Variants in PRKG1 observed in about 807,000 individuals in gnomAD.
PRKG1 encodes cGMP-dependent protein kinase 1.
Under a neutral mutation model 88.1 loss-of-function variants are expected in PRKG1, and 35 were observed. That is an observed-to-expected ratio of 0.40 (90% CI 0.30 to 0.53). PRKG1 has a LOEUF of 0.53. Among genes scored for constraint, PRKG1 ranks in the 20% least tolerant of loss-of-function variants. The pLI, the probability that PRKG1 is intolerant of heterozygous loss-of-function variation, is 0.59. For missense variants in PRKG1, 540 were observed against 839.8 expected (o/e 0.64, Z 4.41); for synonymous variants, 303 against 292.5 (o/e 1.04, Z -0.37).
At chr10:51,058,363 A>G (rs1322237268) in intron 1 of PRKG1, among the ~76,000 whole-genome samples, 1 of 152,100 alleles carries the variant, frequency 6.6e-6, no homozygotes, top group Admixed American at 6.6e-5. Flanking sequence ...TGAGTGAAAA[A>G]TGTTAAAAGC....
intron 4 of PRKG1, among the ~76,000 whole-genome samples, chr10:51,858,043 C>A: frequency 7.6e-6 from 1 of 131,154 alleles, no homozygotes; most frequent in Non-Finnish European, 1.6e-5. Context: ...GATTTAATGG[C>A]ATAAAAGGAA....
chr10:51,598,195 C>A (rs903708615), intron 3 of PRKG1, among the ~76,000 whole-genome samples: 4 of 152,180 alleles, frequency 2.6e-5, no homozygotes, highest in African/African-American at 4.8e-5. Context: ...CATCTACTAG[C>A]ATCTAAAGAC....
intron 2 of PRKG1, among the ~76,000 whole-genome samples, chr10:51,280,007 G>A (rs1449513200): frequency 6.6e-6 from 1 of 152,208 alleles, no homozygotes; most frequent in African/African-American, 2.4e-5. Flanking sequence ...TGCAGTGGCT[G>A]GTACTGGTTG....
At chr10:51,128,927 G>A (rs528270495) in intron 1 of PRKG1, among the ~76,000 whole-genome samples, 8 of 152,104 alleles carry the variant, frequency 5.3e-5, no homozygotes, top group Non-Finnish European at 7.4e-5. Flanking sequence ...ATATTTTAAT[G>A]ATAGTAATTT....
intron 1 of PRKG1, among the ~76,000 whole-genome samples, chr10:51,081,096 GCT>G (rs1844098070): frequency 6.6e-6 from 1 of 151,936 alleles, no homozygotes; most frequent in Admixed American, 6.5e-5. Flanking sequence ...TTTTTTCATT[GCT>G]TATAAAATTC....
chr10:51,314,116 A>G (rs1256480660), intron 2 of PRKG1, among the ~76,000 whole-genome samples: 1 of 152,118 alleles, frequency 6.6e-6, no homozygotes, highest in African/African-American at 2.4e-5. Flanking sequence ...TTTAATACAC[A>G]GATATATTTG....
At chr10:51,601,001 G>T (rs12257544) in intron 3 of PRKG1, among the ~76,000 whole-genome samples, 1 of 149,828 alleles carries the variant, frequency 6.7e-6, no homozygotes, top group African/African-American at 2.5e-5. Flanking sequence ...ACAGCAGGGG[G>T]AGGGGGAAAA....
chr10:51,413,560 C>A (rs1424134156), intron 2 of PRKG1, among the ~76,000 whole-genome samples: 5 of 152,030 alleles, frequency 3.3e-5, no homozygotes, highest in African/African-American at 7.3e-5. Flanking sequence ...GGGGTTTCAC[C>A]ATGATGGCCA....
At position 52,081,933 on chromosome 10, in the gene PRKG1, G is replaced by A. The variant is rs547074331; in HGVS notation, c.935+19302G>A. Among the ~76,000 whole-genome samples the A allele has an allele frequency of 9.8e-4, 149 of 152,144 alleles. 1 individual carries two copies. Among genetic ancestry groups the A allele is most frequent in the Non-Finnish European group, 1.7e-3 (113 of 67,992 alleles). On this transcript the variant is annotated intron_variant, in intron 7 of 17. Transcript: ENST00000373980. ...TGGATAAACTGACCATTTAATATCC[G>A]TATTAGTCCATTCTCATGCTGCTAT...
chr10:51,538,228 A>G (rs554104599), intron 3 of PRKG1, among the ~76,000 whole-genome samples: 11 of 152,120 alleles, frequency 7.2e-5, no homozygotes, highest in Non-Finnish European at 1.2e-4. Flanking sequence ...GAAGACAAAG[A>G]AGTAGCATTT....
At chr10:51,569,207 T>C (rs1372234565) in intron 3 of PRKG1, among the ~76,000 whole-genome samples, 1 of 152,024 alleles carries the variant, frequency 6.6e-6, no homozygotes, top group African/African-American at 2.4e-5. Context: ...TAGAAGACAG[T>C]AGAGACTGAA....
At chr10:51,371,445 G>A (rs766648672) in intron 2 of PRKG1, among the ~76,000 whole-genome samples, 4 of 151,968 alleles carry the variant, frequency 2.6e-5, no homozygotes, top group Non-Finnish European at 5.9e-5. Flanking sequence ...GGGGTGGTGG[G>A]ACAAGAGAGA....
intron 1 of PRKG1, among the ~76,000 whole-genome samples, chr10:51,034,176 AT>A (rs1843322513): frequency 6.6e-6 from 1 of 152,184 alleles, no homozygotes; most frequent in Admixed American, 6.6e-5. Context: ...GAACTTAGAG[AT>A]TAAGACTCAC....
At chr10:51,849,030 T>C (rs1292529727) in intron 4 of PRKG1, among the ~76,000 whole-genome samples, 1 of 152,178 alleles carries the variant, frequency 6.6e-6, no homozygotes, top group African/African-American at 2.4e-5. Flanking sequence ...TTGTAGTATT[T>C]ATAGCACTAA....
rs554043029 is a variant in PRKG1 at position 51,692,676 on chromosome 10, G to C, written c.593-111909G>C. The stretch of plus-strand genomic sequence containing the variant: ...TTTTTTGTAGAGACAGGATCTCCCT[G>C]TGTTGCCCAGGCTGGTCTTAAAGTC... On this transcript the variant is annotated intron_variant, in intron 3 of 17. Coordinates refer to ENST00000373980, the MANE Select transcript of PRKG1 (RefSeq NM_006258.4). 2.6e-4 allele frequency among the ~76,000 whole-genome samples: 39 copies of C among 152,140 alleles called. No individual in the cohort carries two copies. In the South Asian group the frequency reaches 8.1e-3, roughly 32 times the overall value.
At chr10:52,233,720 G>A (rs1444936157) in intron 9 of PRKG1, among the ~76,000 whole-genome samples, 9 of 147,200 alleles carry the variant, frequency 6.1e-5, no homozygotes, top group Admixed American at 5.4e-4. Context: ...ACTGCAAGGC[G>A]GCAGCGAGGC....
rs535618639 is a variant in PRKG1, at chr10:52,068,784, A to T, written c.935+6153A>T. 1.8e-4 allele frequency among the ~76,000 whole-genome samples: 28 copies of T among 152,254 alleles called. No homozygotes were observed. In the South Asian group the frequency reaches 5.6e-3, roughly 30 times the overall value. On this transcript the variant is annotated intron_variant, in intron 7 of 17. Transcript: ENST00000373980. ...CATAGCATTAGATTTTGAGTCAACCACTCATTGATTGACTTTCAGCAAGCC... is the reference window on the plus strand; with the variant it reads ...CATAGCATTAGATTTTGAGTCAACCTCTCATTGATTGACTTTCAGCAAGCC...
intron 1 of PRKG1, among the ~76,000 whole-genome samples, chr10:51,121,162 T>C (rs529812807): frequency 1.6e-3 from 250 of 152,280 alleles, no homozygotes; most frequent in African/African-American, 5.6e-3. Context: ...TTGAACCCAC[T>C]TGGATAACCC....
At chr10:52,166,524 C>G (rs1035847857) in intron 9 of PRKG1, among the ~76,000 whole-genome samples, 6 of 145,718 alleles carry the variant, frequency 4.1e-5, no homozygotes, top group African/African-American at 1.5e-4. Flanking sequence ...AGCTCCGCCT[C>G]CCGGGTTCAC....
Sources: gnomAD v4.1 joint callset for allele counts (sites outside exome capture counted in the v4.1 genomes callset) on GRCh38, gnomAD v4.1.1 for gene constraint, MANE v1.5 for transcripts, NCBI Gene and HGNC (gene_info 2026-07-23, HGNC 2026-07-21) for gene names.